The following PTGS1 variants were observed in gnomAD, a reference collection of about 807,000 sequenced individuals.
PTGS1 encodes prostaglandin-endoperoxide synthase 1.
A neutral mutation model predicts 63.0 loss-of-function variants in PTGS1; 40 were observed. That is an observed-to-expected ratio of 0.63 (90% CI 0.49 to 0.83). The LOEUF is 0.83. Among genes scored for constraint, PTGS1 ranks in the 40% least tolerant of loss-of-function variants. The probability of loss-of-function intolerance (pLI) is 0.00; values close to 1 mark genes in which losing one functional copy is unlikely to be tolerated. For synonymous variants in PTGS1, 298 were observed against 301.9 expected (o/e 0.99, Z 0.13); for missense variants, 709 against 786.5 (o/e 0.90, Z 1.18).
intron 2 of PTGS1, among the ~76,000 whole-genome samples, chr9:122,376,608 T>C (rs938480683): frequency 6.6e-6 from 1 of 152,124 alleles, no homozygotes; most frequent in Non-Finnish European, 1.5e-5. Context: ...TGACCTGCAA[T>C]AACCAGTTGC....
Position 122,378,525 on chromosome 9 carries a change from G to T in PTGS1, c.304G>T (p.Val102Phe), listed in dbSNP as rs189207093. The T allele has an allele frequency of 3.7e-6, 6 of 1,614,236 alleles. No homozygotes were observed. The highest frequency in any genetic ancestry group is 2.2e-5 in the East Asian group (1 of 44,876). ...TCACGGGCGCTGGTTCTGGGAGTTT[G>T]TCAATGCCACCTTCATCCGAGAGAT... ...LTHGRWFWEF[V>F]NATFIREMLM... The change falls in exon 4 of 11, where the codon GTC becomes TTC. Residue 102 changes from valine to phenylalanine, a missense_variant. Transcript: ENST00000362012.
At chr9:122,376,076 C>T (rs1044113722) in intron 2 of PTGS1, among the ~76,000 whole-genome samples, 1 of 152,070 alleles carries the variant, frequency 6.6e-6, no homozygotes, top group African/African-American at 2.4e-5. Flanking sequence ...CTTGGGGGAA[C>T]CAGACCTCTG....
intron 2 of PTGS1, chr9:122,375,213 C>A (rs760874534): frequency 9.0e-6 from 7 of 781,330 alleles, no homozygotes; most frequent in Non-Finnish European, 1.1e-5. Flanking sequence ...GCGGGGGAGG[C>A]GGGAGGGGGG....
In PTGS1 at chr9:122,383,972, A is replaced by G. The variant is rs115251734; in HGVS notation, c.1009+217A>G. Among the ~76,000 whole-genome samples the G allele has an allele frequency of 5.2e-3, 796 of 152,324 alleles. 4 individuals are homozygous for G. Among genetic ancestry groups the G allele is most frequent in the African/African-American group, 0.018 (764 of 41,570 alleles). ...ATGATTGTAAGGATTTATTGAGATC[A>G]TGAATGGGAAGGCAACTAGCACATA... is the stretch of plus-strand genomic sequence containing the variant. On this transcript the variant is annotated intron_variant, in intron 8 of 10. Coordinates refer to ENST00000362012, the MANE Select transcript of PTGS1 (RefSeq NM_000962.4).
intron 9 of PTGS1, among the ~76,000 whole-genome samples, chr9:122,389,530 A>T (rs1294920688): frequency 6.6e-6 from 1 of 152,118 alleles, no homozygotes; most frequent in Admixed American, 6.5e-5. Context: ...TTATCTTGCC[A>T]GGTTACCTGG....
At position 122,381,415 on chromosome 9, in the gene PTGS1, C is replaced by T. The variant is rs1406854955; in HGVS notation, c.541C>T (p.Leu181=). The change falls in exon 6 of 11, where the codon CTG becomes TTG. Residue 181 remains leucine, a synonymous_variant. Transcript: ENST00000362012. The part of the protein sequence containing the change: ...PDAQLLARRF[L]LRRKFIPDPQ... ...TGCCCAGCTCCTGGCCCGCCGCTTC[C>T]TGCTCAGGAGGAAGTTCATACCTGA... The T allele has an allele frequency of 6.2e-7, 1 of 1,614,184 alleles. No homozygotes were observed. Among genetic ancestry groups the T allele is most frequent in the East Asian group, 2.2e-5 (1 of 44,872 alleles).
At chr9:122,374,528 A>G (rs1837000547) in intron 2 of PTGS1, among the ~76,000 whole-genome samples, 4 of 152,124 alleles carry the variant, frequency 2.6e-5, no homozygotes, top group Admixed American at 6.5e-5. Context: ...AGTGAATTAG[A>G]CTTGGTACCT....
At chr9:122,386,408 T>C in intron 8 of PTGS1, 38 bp from the exon 9 acceptor site, 1 of 1,605,052 alleles carries the variant, frequency 6.2e-7, no homozygotes, top group South Asian at 1.1e-5. Flanking sequence ...TAAATCACTG[T>C]GCTTGGCTGA....
chr9:122,391,263 T>G (rs1452589386), intron 10 of PTGS1, among the ~76,000 whole-genome samples: 1 of 145,664 alleles, frequency 6.9e-6, no homozygotes, highest in Non-Finnish European at 1.5e-5. Context: ...ATAGAGTATA[T>G]ATACATATAT....
chr9:122,374,281 A>C (rs1028394946), intron 2 of PTGS1, among the ~76,000 whole-genome samples: 4 of 152,146 alleles, frequency 2.6e-5, no homozygotes, highest in Non-Finnish European at 4.4e-5. Flanking sequence ...GTATTGATAC[A>C]AATAATGGAG....
At chr9:122,387,167 A>ATAG (rs1320027017) in intron 9 of PTGS1, among the ~76,000 whole-genome samples, 2 of 151,840 alleles carry the variant, frequency 1.3e-5, no homozygotes, top group Non-Finnish European at 2.9e-5. Context: ...GGTTATGGGA[A>ATAG]AAGAAGGGAT....
intron 8 of PTGS1, among the ~76,000 whole-genome samples, chr9:122,384,719 A>G (rs1837768471): frequency 6.6e-6 from 1 of 152,160 alleles, no homozygotes; most frequent in South Asian, 2.1e-4. Context: ...ACCAAAATCT[A>G]TGCTACTTCC....
intron 5 of PTGS1, among the ~76,000 whole-genome samples, chr9:122,379,293 T>G (rs765002724): frequency 2.5e-4 from 38 of 152,236 alleles, no homozygotes; most frequent in Non-Finnish European, 4.7e-4. Flanking sequence ...TTTTACATGC[T>G]TCACCAGTGT....
rs779164376 is a variant in PTGS1 at position 122,395,356 on chromosome 9, G to C, written c.*2812G>C. On this transcript the variant is annotated 3_prime_UTR_variant, in exon 11 of 11. Coordinates refer to ENST00000362012, the MANE Select transcript of PTGS1 (RefSeq NM_000962.4). ...GAGTTTTGATTTGGTGGATGTGATG[G>C]TTGGTTTTATTTGTCAGTTTGGTTG... The C allele has an allele frequency of 6.6e-6, 1 of 152,154 alleles. No homozygotes were observed. Among genetic ancestry groups the C allele is most frequent in the Non-Finnish European group, 1.5e-5 (1 of 68,020 alleles). The allele number at this position is 152,154 out of a possible 1,614,324, so 9.4% of individuals were successfully genotyped here. A position where few individuals can be genotyped will look rare whatever the true frequency, so the allele number is the denominator to read the frequency against.
intron 2 of PTGS1, among the ~76,000 whole-genome samples, chr9:122,375,700 G>C (rs1216479080): frequency 1.3e-5 from 2 of 152,158 alleles, no homozygotes; most frequent in Non-Finnish European, 2.9e-5. Flanking sequence ...AGACTTCTTG[G>C]GGAGGCAAGG....
chr9:122,378,667 A>T (rs1837332327), intron 4 of PTGS1, 94 bp downstream of exon 4: 1 of 1,603,158 alleles, frequency 6.2e-7, no homozygotes, highest in Non-Finnish European at 8.5e-7. Context: ...GTGGGTGGGG[A>T]GAGTCTATGA....
intron 2 of PTGS1, 26 bp from the exon 3 acceptor site, chr9:122,377,873 C>G: frequency 6.2e-7 from 1 of 1,601,948 alleles, no homozygotes; most frequent in Non-Finnish European, 8.6e-7. Context: ...CTAGCATGGT[C>G]TCTGACCTCC....
At chr9:122,384,479 C>G (rs1250255579) in intron 8 of PTGS1, among the ~76,000 whole-genome samples, 1 of 152,168 alleles carries the variant, frequency 6.6e-6, no homozygotes, top group Admixed American at 6.5e-5. Context: ...GGAAGAGGGG[C>G]TGGTTCTGAA....
intron 5 of PTGS1, among the ~76,000 whole-genome samples, chr9:122,380,474 TAAATAAATA>T (rs1415943221): frequency 7.7e-6 from 1 of 129,378 alleles, no homozygotes; most frequent in African/African-American, 3.8e-5. Context: ...CAAAAATAAA[TAAATAAATA>T]AATAAATAAA....
Sources: allele counts gnomAD v4.1 joint callset (sites outside exome capture counted in the v4.1 genomes callset), GRCh38; gene constraint gnomAD v4.1.1; transcripts MANE v1.5; gene names NCBI Gene and HGNC (gene_info 2026-07-23, HGNC 2026-07-21).